The following SNTB2 variants were observed in gnomAD, a reference collection of about 807,000 sequenced individuals.
The protein encoded by SNTB2 is syntrophin beta 2.
SNTB2 carries 34 observed loss-of-function variants against 46.2 expected under a neutral mutation model. The observed-to-expected ratio is 0.74, with a 90% CI of 0.56 to 0.98. SNTB2 has a LOEUF of 0.98. SNTB2 is among the 50% of genes least tolerant of loss of function. The probability of loss-of-function intolerance (pLI) is 0.00; values close to 1 mark genes in which losing one functional copy is unlikely to be tolerated. For synonymous variants in SNTB2, 290 were observed against 312.6 expected (o/e 0.93, Z 0.76); for missense variants, 603 against 731.4 (o/e 0.82, Z 2.02).
chr16:69,208,762 G>A (rs181853188), intron 1 of SNTB2, among the ~76,000 whole-genome samples: 8 of 152,076 alleles, frequency 5.3e-5, no homozygotes, highest in Admixed American at 1.3e-4. Flanking sequence ...TTGGGAGGCC[G>A]AGGCAGGCGG....
At chr16:69,227,678 C>A (rs900197456) in intron 1 of SNTB2, among the ~76,000 whole-genome samples, 1 of 152,076 alleles carries the variant, frequency 6.6e-6, no homozygotes, top group Non-Finnish European at 1.5e-5. Context: ...TCCCATTGGT[C>A]AAGTGGACAA....
intron 1 of SNTB2, among the ~76,000 whole-genome samples, chr16:69,242,895 C>T (rs1285181058): frequency 6.6e-6 from 1 of 152,012 alleles, no homozygotes; most frequent in African/African-American, 2.4e-5. Context: ...GTGGCGGGCG[C>T]CTGTAGTCCC....
intron 1 of SNTB2, among the ~76,000 whole-genome samples, chr16:69,234,606 G>C (rs182342313): frequency 1.3e-5 from 2 of 152,072 alleles, no homozygotes; most frequent in Admixed American, 6.6e-5. Context: ...AGCCAATAAA[G>C]ATTAGCTTTA....
intron 2 of SNTB2, among the ~76,000 whole-genome samples, chr16:69,254,284 TACTCTC>T (rs1964752719): frequency 6.6e-6 from 1 of 152,142 alleles, no homozygotes; most frequent in Non-Finnish European, 1.5e-5. Context: ...CTGCATGCTT[TACTCTC>T]ACTTCCAGAG....
At chr16:69,258,099 A>G (rs1486649163) in intron 2 of SNTB2, among the ~76,000 whole-genome samples, 2 of 152,258 alleles carry the variant, frequency 1.3e-5, no homozygotes, top group Non-Finnish European at 2.9e-5. Flanking sequence ...TAAATTGCTT[A>G]TCTTTTTGAC....
intron 4 of SNTB2, among the ~76,000 whole-genome samples, chr16:69,277,949 A>G (rs1964997907): frequency 6.6e-6 from 1 of 152,234 alleles, no homozygotes; most frequent in African/African-American, 2.4e-5. Flanking sequence ...TGGGAGGCCA[A>G]GGCATGTGGA....
In SNTB2 at chr16:69,187,762, C is replaced by A; in HGVS notation, c.580+16C>A. On this transcript the variant is annotated intron_variant, in intron 1 of 6. Transcript: ENST00000336278. ...CTGCTGGAGGGTGAGCGGGGCCGGG[C>A]GGGAGGGTGGGCAGGCCGCGGCGGC... 4.6e-5 allele frequency: 7 copies of A among 152,124 alleles called. No homozygotes were observed. The highest frequency in any genetic ancestry group is 7.9e-5 in the Non-Finnish European group (7 of 88,538). The allele number at this position is 152,124 out of a possible 1,614,324, so 9.4% of individuals were successfully genotyped here. A position where few individuals can be genotyped will look rare whatever the true frequency, so the allele number is the denominator to read the frequency against.
At chr16:69,252,735 C>T (rs1964737957) in intron 2 of SNTB2, among the ~76,000 whole-genome samples, 1 of 152,154 alleles carries the variant, frequency 6.6e-6, no homozygotes, top group Admixed American at 6.5e-5. Flanking sequence ...AGAAAATCCT[C>T]TCGTTTGACA....
At chr16:69,286,660 G>C (rs958965148) in intron 5 of SNTB2, among the ~76,000 whole-genome samples, 4 of 151,918 alleles carry the variant, frequency 2.6e-5, no homozygotes, top group Non-Finnish European at 5.9e-5. Context: ...ACTCCAGCCT[G>C]GGTGATGGGA....
At chr16:69,233,898 G>A (rs9938732) in intron 1 of SNTB2, among the ~76,000 whole-genome samples, 7,718 of 152,122 alleles carry the variant, frequency 0.051, 361 homozygotes, top group African/African-American at 0.12. Context: ...GATCCCTTGA[G>A]CCTAGGAGTT....
chr16:69,271,367 A>G (rs1964935693), intron 4 of SNTB2, among the ~76,000 whole-genome samples: 1 of 152,102 alleles, frequency 6.6e-6, no homozygotes, highest in South Asian at 2.1e-4. Flanking sequence ...TTCTCTTTTA[A>G]AAAAATAAGA....
At chr16:69,244,100 A>G (rs926291271) in intron 1 of SNTB2, among the ~76,000 whole-genome samples, 1 of 152,168 alleles carries the variant, frequency 6.6e-6, no homozygotes, top group Non-Finnish European at 1.5e-5. Flanking sequence ...CATTTTGTAG[A>G]TGAGGACCTC....
chr16:69,250,538 T>G (rs895810734), intron 2 of SNTB2, among the ~76,000 whole-genome samples: 3 of 152,248 alleles, frequency 2.0e-5, no homozygotes, highest in African/African-American at 7.2e-5. Flanking sequence ...TCTGTCCTCC[T>G]GTTTTCTCTG....
chr16:69,256,944 CG>C (rs1402846673), intron 2 of SNTB2, among the ~76,000 whole-genome samples: 9 of 152,046 alleles, frequency 5.9e-5, no homozygotes, highest in Admixed American at 5.9e-4. Flanking sequence ...CCGAGGCAGG[CG>C]GATCACTTGA....
At chr16:69,296,719 CAAAA>C (rs199809401) in intron 5 of SNTB2, among the ~76,000 whole-genome samples, 6 of 91,086 alleles carry the variant, frequency 6.6e-5, no homozygotes, top group African/African-American at 2.5e-4. Context: ...GACTCTGTCT[CAAAA>C]AAAAAAAAAA....
At chr16:69,188,516 T>C (rs945563167) in intron 1 of SNTB2, among the ~76,000 whole-genome samples, 2 of 152,238 alleles carry the variant, frequency 1.3e-5, no homozygotes, top group African/African-American at 2.4e-5. Flanking sequence ...CGTTAAGTTA[T>C]ATGTATGTGA....
At chr16:69,217,108 A>G (rs1199550071) in intron 1 of SNTB2, among the ~76,000 whole-genome samples, 1 of 152,208 alleles carries the variant, frequency 6.6e-6, no homozygotes, top group Non-Finnish European at 1.5e-5. Flanking sequence ...GAATCTTTAC[A>G]GTACGTTAAC....
chr16:69,272,280 T>C (rs1964944291), intron 4 of SNTB2, among the ~76,000 whole-genome samples: 7 of 151,410 alleles, frequency 4.6e-5, no homozygotes. Context: ...GTGGCTTACA[T>C]CTGTAATCCT....
At chr16:69,243,749 C>T (rs1163272132) in intron 1 of SNTB2, among the ~76,000 whole-genome samples, 5 of 152,238 alleles carry the variant, frequency 3.3e-5, no homozygotes, top group African/African-American at 1.2e-4. Flanking sequence ...GTTATACTGA[C>T]TGCACTCCTG....
Sources: gnomAD v4.1 joint callset for allele counts (sites outside exome capture counted in the v4.1 genomes callset) on GRCh38, gnomAD v4.1.1 for gene constraint, MANE v1.5 for transcripts, NCBI Gene and HGNC (gene_info 2026-07-23, HGNC 2026-07-21) for gene names.